Variants in LHFPL3 observed in about 807,000 individuals in gnomAD.
The protein encoded by LHFPL3 is LHFPL tetraspan subfamily member 3, also known as LHFPL tetraspan subfamily member 3 protein.
Under a neutral mutation model 19.3 loss-of-function variants are expected in LHFPL3, and 5 were observed. The observed-to-expected ratio is 0.26, with a 90% CI of 0.14 to 0.54. The LOEUF is 0.54. LHFPL3 is among the 20% of genes least tolerant of loss of function. LHFPL3 has a pLI of 0.94. For synonymous variants in LHFPL3, 133 were observed against 126.2 expected, an observed-to-expected ratio of 1.05 and a Z score of -0.36; for missense variants, 249 against 307.4, an observed-to-expected ratio of 0.81 and a Z score of 1.42.
At chr7:104,685,284 T>C (rs955551822) in intron 1 of LHFPL3, among the ~76,000 whole-genome samples, 1 of 152,138 alleles carries the variant, frequency 6.6e-6, no homozygotes, top group African/African-American at 2.4e-5. Flanking sequence ...GAGGCAGAGG[T>C]TGCAGTGAAC....
Position 104,846,554 on chromosome 7 carries a change from T to C in LHFPL3, c.683-59633T>C, listed in dbSNP as rs951483100. On this transcript the variant is annotated intron_variant, in intron 2 of 2. Transcript: ENST00000424859. ...CCTTGACTCCAGATCCCTTAATTCA[T>C]AGAAAATGGCCAAGGTTTCAAGAGA... 6.0e-5 allele frequency among the ~76,000 whole-genome samples: 9 copies of C among 150,816 alleles called. No individual in the cohort carries two copies. In the East Asian group the frequency reaches 9.6e-4, roughly 16 times the overall value.
chr7:104,734,208 C>T (rs779441286), intron 1 of LHFPL3, among the ~76,000 whole-genome samples: 8 of 152,086 alleles, frequency 5.3e-5, no homozygotes, highest in Non-Finnish European at 1.2e-4. Context: ...TGGAGTTGCT[C>T]CTCTCAGGGA....
At chr7:104,657,497 G>T (rs4317508) in intron 1 of LHFPL3, among the ~76,000 whole-genome samples, 5,894 of 152,316 alleles carry the variant, frequency 0.039, 134 homozygotes, top group Middle Eastern at 0.051. Flanking sequence ...TTTAATAGCT[G>T]CCATTTCTTT....
intron 2 of LHFPL3, among the ~76,000 whole-genome samples, chr7:104,746,608 G>C (rs898880947): frequency 4.6e-5 from 7 of 152,104 alleles, no homozygotes; most frequent in Non-Finnish European, 7.4e-5. Flanking sequence ...AAATTTTATT[G>C]TTGCCTTTTC....
rs147882691 is a variant in LHFPL3, at chr7:104,429,964, A to G, written c.445+100740A>G. ...TCTTGAAAGACAAGTTTCTTGTTCT[A>G]GTGGAGATACAAAAGGACAAAATCA... On this transcript the variant is annotated intron_variant, in intron 1 of 2. Transcript: ENST00000424859. Among the ~76,000 whole-genome samples the G allele has an allele frequency of 1.8e-3, 272 of 152,242 alleles. 1 individual carries two copies. Among genetic ancestry groups the G allele is most frequent in the African/African-American group, 6.1e-3 (254 of 41,556 alleles).
chr7:104,734,012 T>G (rs2116291803), intron 1 of LHFPL3, among the ~76,000 whole-genome samples: 1 of 152,356 alleles, frequency 6.6e-6, no homozygotes. Flanking sequence ...AAATTCTGGG[T>G]TGAAAATTCT....
chr7:104,897,619 A>T (rs2116720094), intron 2 of LHFPL3, among the ~76,000 whole-genome samples: 1 of 152,328 alleles, frequency 6.6e-6, no homozygotes, highest in Admixed American at 6.5e-5. Context: ...TTACCACAAT[A>T]TCACTGAAAC....
chr7:104,587,713 T>TG (rs1416107041), intron 1 of LHFPL3, among the ~76,000 whole-genome samples: 2 of 151,970 alleles, frequency 1.3e-5, no homozygotes, highest in African/African-American at 4.8e-5. Context: ...CCACAATGGT[T>TG]GAACTAGTTT....
intron 1 of LHFPL3, among the ~76,000 whole-genome samples, chr7:104,646,319 A>G (rs770758350): frequency 6.6e-6 from 1 of 152,242 alleles, no homozygotes; most frequent in Non-Finnish European, 1.5e-5. Flanking sequence ...TTGCTCACCA[A>G]GGACTCCAAG....
intron 1 of LHFPL3, among the ~76,000 whole-genome samples, chr7:104,725,118 G>A (rs1793565882): frequency 6.6e-6 from 1 of 152,112 alleles, no homozygotes; most frequent in African/African-American, 2.4e-5. Flanking sequence ...TTTGAAAACA[G>A]GGAACAATGG....
chr7:104,614,738 T>G (rs975816457), intron 1 of LHFPL3, among the ~76,000 whole-genome samples: 6 of 138,664 alleles, frequency 4.3e-5, no homozygotes, highest in African/African-American at 1.7e-4. Context: ...TTTCTTTCTT[T>G]CTCTTTCTCT....
chr7:104,391,735 G>A (rs567183598), intron 1 of LHFPL3, among the ~76,000 whole-genome samples: 87 of 152,270 alleles, frequency 5.7e-4, no homozygotes, highest in African/African-American at 2.0e-3. Context: ...GTCATTGGTA[G>A]CTTGATGGGG....
intron 2 of LHFPL3, among the ~76,000 whole-genome samples, chr7:104,800,669 C>T (rs1055930578): frequency 1.2e-4 from 18 of 152,162 alleles, no homozygotes; most frequent in African/African-American, 4.3e-4. Context: ...CCACCTCCTA[C>T]CATCATCTAC....
At chr7:104,703,200 G>A (rs536428860) in intron 1 of LHFPL3, among the ~76,000 whole-genome samples, 8 of 152,134 alleles carry the variant, frequency 5.3e-5, no homozygotes, top group Non-Finnish European at 7.4e-5. Context: ...TTTTATCACC[G>A]AACTGATGTT....
chr7:104,376,124 G>A (rs1248850554), intron 1 of LHFPL3, among the ~76,000 whole-genome samples: 1 of 152,172 alleles, frequency 6.6e-6, no homozygotes, highest in Non-Finnish European at 1.5e-5. Flanking sequence ...TATTGGATGT[G>A]GGGAAGAACA....
chr7:104,772,070 G>A (rs1468908848), intron 2 of LHFPL3, among the ~76,000 whole-genome samples: 3 of 151,712 alleles, frequency 2.0e-5, no homozygotes, highest in Admixed American at 6.6e-5. Flanking sequence ...TGCCTGCCTC[G>A]GCCTCCCAAA....
intron 2 of LHFPL3, among the ~76,000 whole-genome samples, chr7:104,824,003 G>A (rs1209694157): frequency 6.8e-6 from 1 of 146,774 alleles, no homozygotes; most frequent in East Asian, 2.0e-4. Flanking sequence ...AAAAATAGCC[G>A]GGCATGGTGG....
At chr7:104,633,483 G>A (rs1425760698) in intron 1 of LHFPL3, among the ~76,000 whole-genome samples, 4 of 152,262 alleles carry the variant, frequency 2.6e-5, no homozygotes, top group Middle Eastern at 6.8e-3. Context: ...GGATTCCGCA[G>A]TTTCTCATCC....
intron 1 of LHFPL3, among the ~76,000 whole-genome samples, chr7:104,355,853 T>G (rs917404535): frequency 3.9e-5 from 6 of 152,224 alleles, no homozygotes; most frequent in African/African-American, 1.2e-4. Flanking sequence ...AAATCTGTTG[T>G]CAGTCTGACA....
Sources: gnomAD v4.1 joint callset for allele counts (sites outside exome capture counted in the v4.1 genomes callset) on GRCh38, gnomAD v4.1.1 for gene constraint, MANE v1.5 for transcripts, NCBI Gene and HGNC (gene_info 2026-07-23, HGNC 2026-07-21) for gene names.